GAS7: variants seen among roughly 807,000 people sequenced by gnomAD.
The protein encoded by GAS7 is growth arrest-specific protein 7.
Under a neutral mutation model 71.1 loss-of-function variants are expected in GAS7, and 28 were observed. That is an observed-to-expected ratio of 0.39 (90% CI 0.29 to 0.54). GAS7 has a LOEUF of 0.54. GAS7 is among the 20% of genes least tolerant of loss of function. The pLI, the probability that GAS7 is intolerant of heterozygous loss-of-function variation, is 0.62. For missense variants in GAS7, 436 were observed against 627.8 expected, an observed-to-expected ratio of 0.69 and a Z score of 3.27; for synonymous variants, 258 against 245.8, an observed-to-expected ratio of 1.05 and a Z score of -0.46.
rs11344901 is a variant in GAS7, at chr17:9,927,045, CT to C, written c.886-277del. The C allele has an allele frequency of 0.39, 143,917 of 369,596 alleles. 29,720 individuals carry two copies. Among genetic ancestry groups the C allele is most frequent in the African/African-American group, 0.43 (21,290 of 49,614 alleles). 22.9% of individuals were successfully genotyped at this position (369,596 alleles called of 1,614,324 possible). A position where few individuals can be genotyped will look rare whatever the true frequency, so the allele number is the denominator to read the frequency against. On this transcript the variant is annotated intron_variant, in intron 9 of 13. Transcript: ENST00000432992. The stretch of plus-strand genomic sequence containing the variant: ...TTCTGATTTCCCCATCTGTTAACTA[CT>C]TTTTTTCTGAGCTTCTGCAGCTTTT...
Position 10,102,724 on chromosome 17 carries a change from C to G in GAS7, c.184-82827G>C, listed in dbSNP as rs73974418. ...CTCTATACCAATTAATTCACAACCT[C>G]CATCAAAATCAAAATACCCAGGCCC... On this transcript the variant is annotated intron_variant, in intron 1 of 13. Transcript: ENST00000432992. Among the ~76,000 whole-genome samples, 741 of 151,662 alleles carry G rather than the reference C, an allele frequency of 4.9e-3. 2 individuals are homozygous for G. The highest frequency in any genetic ancestry group is 0.015 in the African/African-American group (630 of 41,334).
intron 6 of GAS7, 76 bp downstream of exon 6, chr17:9,946,818 G>A (rs1174779710): frequency 2.3e-6 from 2 of 851,070 alleles, no homozygotes; most frequent in African/African-American, 3.4e-5. Context: ...TGAGATCCAG[G>A]TCCCTCCTAC....
In GAS7 at chr17:9,934,279, G is replaced by A. The variant is rs372171057; in HGVS notation, c.807-35C>T. 1.2e-5 allele frequency: 17 copies of A among 1,438,724 alleles called. No individual in the cohort carries two copies. The African/African-American group carries it at 1.8e-4, about 15-fold the overall frequency. 89.1% of individuals were successfully genotyped at this position (1,438,724 alleles called of 1,614,324 possible). A position where few individuals can be genotyped will look rare whatever the true frequency, so the allele number is the denominator to read the frequency against. On this transcript the variant is annotated intron_variant, in intron 8 of 13. Transcript: ENST00000432992. The stretch of plus-strand genomic sequence containing the variant: ...AAAGACCATGAGACTCAGGTCACAA[G>A]CCAAAGCCCTTCCTGAGGCAGGATG...
At chr17:9,997,736 C>G (rs2071103891) in intron 2 of GAS7, among the ~76,000 whole-genome samples, 1 of 152,280 alleles carries the variant, frequency 6.6e-6, no homozygotes, top group South Asian at 2.1e-4. Flanking sequence ...GGCTATAAAT[C>G]AGGGATTCTG....
At chr17:9,983,161 T>C (rs542665780) in intron 2 of GAS7, among the ~76,000 whole-genome samples, 24 of 152,218 alleles carry the variant, frequency 1.6e-4, no homozygotes, top group Non-Finnish European at 2.6e-4. Flanking sequence ...AATCAAACTA[T>C]AGATTCTTTT....
intron 1 of GAS7, among the ~76,000 whole-genome samples, chr17:10,063,900 C>T (rs772130603): frequency 6.6e-6 from 1 of 152,116 alleles, no homozygotes; most frequent in Non-Finnish European, 1.5e-5. Context: ...CATCCAGCCA[C>T]AGCAGTTTCT....
intron 1 of GAS7, among the ~76,000 whole-genome samples, chr17:10,065,086 A>G (rs1314341004): frequency 6.6e-6 from 1 of 152,162 alleles, no homozygotes; most frequent in Admixed American, 6.6e-5. Flanking sequence ...CCTCCCAAAG[A>G]GCTGGGATTA....
chr17:10,171,531 G>C (rs778701001), intron 1 of GAS7, among the ~76,000 whole-genome samples: 1 of 152,222 alleles, frequency 6.6e-6, no homozygotes, highest in Non-Finnish European at 1.5e-5. Flanking sequence ...AACTTTTACA[G>C]AACTTCTTTT....
intron 5 of GAS7, among the ~76,000 whole-genome samples, chr17:9,957,802 T>C (rs947787866): frequency 1.2e-4 from 18 of 152,112 alleles, no homozygotes; most frequent in Non-Finnish European, 2.5e-4. Flanking sequence ...GCTGAGTCGT[T>C]CTGCCCAGCC....
chr17:10,101,071 C>T (rs560907925), intron 1 of GAS7, among the ~76,000 whole-genome samples: 32 of 151,912 alleles, frequency 2.1e-4, no homozygotes, highest in Admixed American at 8.5e-4. Flanking sequence ...GAGGTCCAGA[C>T]CAGTCTAAGC....
chr17:10,020,298 A>T (rs2072216830), intron 1 of GAS7, among the ~76,000 whole-genome samples: 1 of 152,186 alleles, frequency 6.6e-6, no homozygotes, highest in Non-Finnish European at 1.5e-5. Context: ...ACAGCAGCAG[A>T]CAAGGCCCCA....
At chr17:9,943,057 C>CGGCCA in intron 7 of GAS7, 64 bp downstream of exon 7, 1 of 1,064,902 alleles carries the variant, frequency 9.4e-7, no homozygotes, top group Non-Finnish European at 1.5e-6. Context: ...CGCCCCGCCC[C>CGGCCA]GGCCACGGGG....
intron 1 of GAS7, among the ~76,000 whole-genome samples, chr17:10,189,727 C>T (rs1045703760): frequency 6.6e-6 from 1 of 152,004 alleles, no homozygotes; most frequent in Non-Finnish European, 1.5e-5. Context: ...TCACTTGAGG[C>T]CAGGAGTTGG....
intron 1 of GAS7, among the ~76,000 whole-genome samples, chr17:10,058,266 AAAC>A (rs2073175126): frequency 1.3e-5 from 2 of 151,686 alleles, no homozygotes; most frequent in Admixed American, 6.5e-5. Context: ...ACAAAAACAA[AAAC>A]AAAAACAAAA....
chr17:10,094,458 T>G (rs940303000), intron 1 of GAS7, among the ~76,000 whole-genome samples: 9 of 152,048 alleles, frequency 5.9e-5, no homozygotes, highest in Non-Finnish European at 4.4e-5. Flanking sequence ...TGGATATTTC[T>G]TTTTCTTTTT....
At chr17:10,001,365 A>G (rs1409889429) in intron 2 of GAS7, among the ~76,000 whole-genome samples, 1 of 152,176 alleles carries the variant, frequency 6.6e-6, no homozygotes, top group East Asian at 1.9e-4. Context: ...TGGAAAACAG[A>G]AAAGTAAAAA....
chr17:10,101,465 G>A (rs734844), intron 1 of GAS7, among the ~76,000 whole-genome samples: 73,660 of 152,100 alleles, frequency 0.48, 18,127 homozygotes, highest in African/African-American at 0.52. Context: ...ACTGTGTCCC[G>A]CCCACACTCA....
rs942746172 is a variant in GAS7 at position 9,925,664 on chromosome 17, G to A, written c.1015-65C>T. On this transcript the variant is annotated intron_variant, in intron 10 of 13. Transcript: ENST00000432992. ...GGAGCCAGTGGGCCTCCTGGGCCAC[G>A]CAGCCCAGCTTCCCTTTGGAGTCCT... 6.0e-5 allele frequency: 95 copies of A among 1,576,190 alleles called. No homozygotes were observed. In the African/African-American group the frequency reaches 7.3e-4, roughly 12 times the overall value.
chr17:10,072,742 C>T (rs975089905), intron 1 of GAS7, among the ~76,000 whole-genome samples: 2 of 152,162 alleles, frequency 1.3e-5, no homozygotes, highest in African/African-American at 4.8e-5. Flanking sequence ...GGCTTGCCAG[C>T]ACCGTTTCCG....
Sources: gnomAD v4.1 joint callset for allele counts (sites outside exome capture counted in the v4.1 genomes callset) on GRCh38, gnomAD v4.1.1 for gene constraint, MANE v1.5 for transcripts, NCBI Gene and HGNC (gene_info 2026-07-23, HGNC 2026-07-21) for gene names.